The following DNM1 variants were observed in gnomAD, a reference collection of about 807,000 sequenced individuals.
DNM1 encodes dynamin-1.
A neutral mutation model predicts 104.6 loss-of-function variants in DNM1; 29 were observed. The ratio of observed to expected loss-of-function variants is 0.28; its 90% CI spans 0.21 to 0.38. The LOEUF is 0.38. Among genes scored for constraint, DNM1 ranks in the 10% least tolerant of loss-of-function variants. DNM1 has a pLI of 1.00. For synonymous variants in DNM1, 445 were observed against 475.8 expected, an observed-to-expected ratio of 0.94 and a Z score of 0.84; for missense variants, 640 against 1,189.4, an observed-to-expected ratio of 0.54 and a Z score of 6.79.
intron 1 of DNM1, among the ~76,000 whole-genome samples, chr9:128,207,368 G>A (rs1345460247): frequency 2.6e-5 from 4 of 152,110 alleles, no homozygotes; most frequent in Non-Finnish European, 5.9e-5. Flanking sequence ...CTGGGGGTAA[G>A]TGTAGATGGG....
chr9:128,229,363 C>A (rs550371325), intron 10 of DNM1, among the ~76,000 whole-genome samples: 4 of 150,778 alleles, frequency 2.7e-5, no homozygotes, highest in East Asian at 2.0e-4. Flanking sequence ...ATTTTAGAGA[C>A]CCTGTCTCTA....
Position 128,254,174 on chromosome 9 carries a change from C to T in DNM1, c.2535-480C>T, listed in dbSNP as rs371800080. 41 of 1,313,592 alleles carry T rather than the reference C, an allele frequency of 3.1e-5. No homozygotes were observed. The highest frequency in any genetic ancestry group is 2.0e-4 in the Admixed American group (5 of 25,116). The allele number at this position is 1,313,592 out of a possible 1,614,324, so 81.4% of individuals were successfully genotyped here. ...TTTTCTGAACACCCAGAGGGGCCTC[C>T]GGCGCTCCCTCCAGCCATCCCTTTT... On this transcript the variant is annotated intron_variant, in intron 21 of 21. Transcript: ENST00000372923. This position sits in a 1 kb window ranked among gnomAD's most constrained non-coding sequence, Gnocchi z 6.1.
At chr9:128,238,199 A>C (rs897668716) in intron 11 of DNM1, among the ~76,000 whole-genome samples, 1 of 150,584 alleles carries the variant, frequency 6.6e-6, no homozygotes, top group African/African-American at 2.5e-5. Flanking sequence ...CTGATCATTT[A>C]AAAAGCCTCT....
chr9:128,242,264 T>C lies in DNM1; in HGVS notation c.1590T>C (p.Asn530=). 6.2e-7 allele frequency: 1 copy of C among 1,612,878 alleles called. No homozygotes were observed. The highest frequency in any genetic ancestry group is 8.5e-7 in the Non-Finnish European group (1 of 1,178,886). The change falls in exon 15 of 22, where the codon AAT becomes AAC. Residue 530 remains asparagine (N), a synonymous_variant. Transcript: ENST00000372923. The part of the protein sequence containing the change: ...VIRKGWLTIN[N]IGIMKGGSKE... ...GCAAGGGCTGGCTGACTATCAATAA[T>C]ATTGGCATCATGAAAGGGGGCTCCA...
intron 21 of DNM1, chr9:128,251,257 T>G: frequency 2.2e-4 from 110 of 505,688 alleles, no homozygotes; most frequent in East Asian, 6.8e-4. Context: ...ACACGTTGCA[T>G]TCCTCCTCCT....
chr9:128,210,624 A>G (rs1422361933), intron 1 of DNM1, among the ~76,000 whole-genome samples: 1 of 152,134 alleles, frequency 6.6e-6, no homozygotes, highest in Non-Finnish European at 1.5e-5. Flanking sequence ...TGGCCTTGCA[A>G]AGTGCTGGGA....
chr9:128,214,112 C>G (rs923534141), intron 1 of DNM1, among the ~76,000 whole-genome samples: 2 of 152,090 alleles, frequency 1.3e-5, no homozygotes, highest in African/African-American at 2.4e-5. Flanking sequence ...ATATCCTGCC[C>G]TCACCCCCAA....
In DNM1 at chr9:128,247,227, G is replaced by A; in HGVS notation, c.1782-148G>A. The A allele has an allele frequency of 1.9e-6, 1 of 526,446 alleles. No individual in the cohort carries two copies. Among genetic ancestry groups the A allele is most frequent in the Non-Finnish European group, 3.3e-6 (1 of 300,712 alleles). 32.6% of individuals were successfully genotyped at this position (526,446 alleles called of 1,614,324 possible). On this transcript the variant is annotated intron_variant, in intron 16 of 21. Coordinates refer to ENST00000372923, the MANE Select transcript of DNM1 (RefSeq NM_004408.4). This position sits in a 1 kb window ranked among gnomAD's most constrained non-coding sequence, Gnocchi z 5.1. ...CCCATCTTCCCAGTGAGGAAACTGA[G>A]GCTGAGAGGAAGGGACTTGCACAGG...
intron 1 of DNM1, among the ~76,000 whole-genome samples, chr9:128,210,582 C>T (rs1269081542): frequency 6.6e-6 from 1 of 152,048 alleles, no homozygotes; most frequent in African/African-American, 2.4e-5. Flanking sequence ...AGGCTGGTCT[C>T]GAATTCCTGA....
At chr9:128,227,726 T>C (rs1436696307) in intron 10 of DNM1, among the ~76,000 whole-genome samples, 1 of 152,210 alleles carries the variant, frequency 6.6e-6, no homozygotes, top group East Asian at 1.9e-4. Flanking sequence ...ACTGTAGAAA[T>C]GTGGCATGAT....
intron 10 of DNM1, chr9:128,232,447 G>C (rs990159286): frequency 5.9e-6 from 1 of 169,730 alleles, no homozygotes; most frequent in African/African-American, 2.4e-5. Flanking sequence ...CGGGATGATG[G>C]GTGTGATGCG....
Position 128,250,894 on chromosome 9 carries a change from C to G in DNM1, c.2488C>G (p.Pro830Ala). 7.3e-7 allele frequency: 1 copy of G among 1,371,388 alleles called. No homozygotes were observed. The highest frequency in any genetic ancestry group is 9.4e-7 in the Non-Finnish European group (1 of 1,065,602). The allele number at this position is 1,371,388 out of a possible 1,614,324, so 85.0% of individuals were successfully genotyped here. The change falls in exon 21 of 22, where the codon CCT becomes GCT. Residue 830 changes from proline (P) to alanine (A), a missense_variant. By Grantham distance (27) the Pro-to-Ala change is conservative. This residue lies in a region of DNM1 where 129 missense variants were observed against 224.6 expected (regional missense o/e 0.57). Coordinates refer to ENST00000372923, the MANE Select transcript of DNM1 (RefSeq NM_004408.4). The part of the protein sequence containing the change: ...GASPDPFGPP[P>A]QVPSRPNRAP... Reference sequence around the variant, plus strand: ...TTCCCCTGACCCTTTCGGCCCTCCCCCTCAGGTGCCCTCGCGCCCCAACCG... The same window carrying G: ...TTCCCCTGACCCTTTCGGCCCTCCCGCTCAGGTGCCCTCGCGCCCCAACCG...
Position 128,222,331 on chromosome 9 carries a change from C to T in DNM1, c.984C>T (p.Ala328=), listed in dbSNP as rs1835072539. ...RPDDPARKTK[A]LLQMVQQFAV... is the part of the protein sequence containing the mutation. ...ATGACCCAGCTCGCAAGACCAAGGC[C>T]CTGCTGCAGTGAGGCTCCCCCAGCT... The change falls in exon 7 of 22, where the codon GCC becomes GCT. Residue 328 remains alanine (A), a synonymous_variant. Coordinates refer to ENST00000372923, the MANE Select transcript of DNM1 (RefSeq NM_004408.4). The surrounding 1 kb of genome is among the most constrained non-coding windows in gnomAD (Gnocchi z 7.8). 6.2e-7 allele frequency: 1 copy of T among 1,613,246 alleles called. No homozygotes were observed. Among genetic ancestry groups the T allele is most frequent in the East Asian group, 2.2e-5 (1 of 44,878 alleles).
intron 15 of DNM1, 113 bp downstream of exon 15, chr9:128,242,458 T>A: frequency 1.6e-6 from 1 of 621,170 alleles, no homozygotes; most frequent in Non-Finnish European, 2.9e-6. Context: ...TTAAAATGTC[T>A]CGTCAAAGAT....
chr9:128,210,621 G>A (rs1167907745), intron 1 of DNM1, among the ~76,000 whole-genome samples: 1 of 152,136 alleles, frequency 6.6e-6, no homozygotes, highest in Non-Finnish European at 1.5e-5. Context: ...CCTTGGCCTT[G>A]CAAAGTGCTG....
intron 10 of DNM1, 122 bp from the exon 11 acceptor site, chr9:128,233,899 G>A (rs187874542): frequency 4.8e-5 from 41 of 860,968 alleles, no homozygotes; most frequent in East Asian, 4.7e-4. Context: ...TCTTCCCCGC[G>A]TTGTGGGCAT....
At chr9:128,219,965 G>A (rs756442481) in intron 4 of DNM1, 23 bp from the exon 5 acceptor site, 20 of 1,533,026 alleles carry the variant, frequency 1.3e-5, no homozygotes, top group South Asian at 7.3e-5. Flanking sequence ...AGCTGTAGAC[G>A]GCCCTCCTGC....
intron 1 of DNM1, among the ~76,000 whole-genome samples, chr9:128,212,442 T>G (rs1406535185): frequency 6.6e-6 from 1 of 151,818 alleles, no homozygotes; most frequent in Non-Finnish European, 1.5e-5. Flanking sequence ...ACCACTGCAC[T>G]CCAGCCTGGG....
Position 128,219,985 on chromosome 9 carries a change from C to T in DNM1, c.590-3C>T. On this transcript the variant is annotated splice_polypyrimidine_tract_variant and splice_region_variant and intron_variant, in intron 4 of 21. Transcript: ENST00000372923. ...TAGACGGCCCTCCTGCTGGTGCACCCAGGCCAGCGCACCATCGGGGTCATC... is the reference window on the plus strand; with the variant it reads ...TAGACGGCCCTCCTGCTGGTGCACCTAGGCCAGCGCACCATCGGGGTCATC... The T allele has an allele frequency of 6.4e-7, 1 of 1,564,384 alleles. No individual in the cohort carries two copies. The highest frequency in any genetic ancestry group is 8.7e-7 in the Non-Finnish European group (1 of 1,152,618).
Sources: gnomAD v4.1 joint callset for allele counts (sites outside exome capture counted in the v4.1 genomes callset) on GRCh38, gnomAD v4.1.1 for gene constraint, gnomAD v4.1.1 regional missense constraint, Gnocchi (gnomAD v3.1) non-coding constraint, MANE v1.5 for transcripts, NCBI Gene and HGNC (gene_info 2026-07-23, HGNC 2026-07-21) for gene names.